CFAP299: variants seen among roughly 807,000 people sequenced by gnomAD.
The protein encoded by CFAP299 is cilia and flagella associated protein 299, also known as cilia- and flagella-associated protein 299.
In CFAP299, 21 loss-of-function variants were observed where a neutral mutation model predicts 27.0. That is an observed-to-expected ratio of 0.78 (90% CI 0.55 to 1.12). CFAP299 has a LOEUF of 1.12. Among genes scored for constraint, CFAP299 ranks in the 50% most tolerant of loss-of-function variants. The probability of loss-of-function intolerance (pLI) is 0.00; values close to 1 mark genes in which losing one functional copy is unlikely to be tolerated. For synonymous variants in CFAP299, 104 were observed against 98.1 expected, an observed-to-expected ratio of 1.06 and a Z score of -0.36; for missense variants, 310 against 276.6, an observed-to-expected ratio of 1.12 and a Z score of -0.86.
At chr4:80,649,980 A>T (rs976649380) in intron 3 of CFAP299, among the ~76,000 whole-genome samples, 24 of 151,678 alleles carry the variant, frequency 1.6e-4, no homozygotes, top group African/African-American at 4.4e-4. Context: ...ATTTTATTTT[A>T]TTTTTTTTCA....
intron 4 of CFAP299, among the ~76,000 whole-genome samples, chr4:80,933,749 T>C (rs954427267): frequency 3.3e-5 from 5 of 152,136 alleles, no homozygotes; most frequent in African/African-American, 1.2e-4. Context: ...TTAATGTATA[T>C]AAATGCAACA....
rs75564149 is a variant in CFAP299, at chr4:80,587,037, A to G, written c.333+3854A>G. Among the ~76,000 whole-genome samples the G allele has an allele frequency of 3.2e-3, 489 of 152,334 alleles. 9 individuals are homozygous for G. The highest frequency in any genetic ancestry group is 0.014 in the East Asian group (72 of 5,182). On this transcript the variant is annotated intron_variant, in intron 3 of 5. Coordinates refer to ENST00000358105, the MANE Select transcript of CFAP299 (RefSeq NM_152770.3). ...ACCCATTTCCTGTGTTGAAATCTCT[A>G]TGAAACATAAGATTGCGTTGTATAT...
In CFAP299 at chr4:80,565,668, C is replaced by A. The variant is rs569413401; in HGVS notation, c.243-17425C>A. Among the ~76,000 whole-genome samples the A allele has an allele frequency of 2.2e-4, 33 of 151,970 alleles. 1 individual carries two copies. The highest frequency in any genetic ancestry group is 7.5e-4 in the African/African-American group (31 of 41,474). On this transcript the variant is annotated intron_variant, in intron 2 of 5. Transcript: ENST00000358105. The stretch of plus-strand genomic sequence containing the variant: ...TGGTATCATACCTATTTAAAAATGA[C>A]CTTTTGCAACTGAAGTTACTTTAAA...
At chr4:80,832,688 T>C (rs187992883) in intron 3 of CFAP299, among the ~76,000 whole-genome samples, 89 of 152,276 alleles carry the variant, frequency 5.8e-4, no homozygotes, top group African/African-American at 2.1e-3. Context: ...TTTTCGGAGG[T>C]ATAGCGTTTA....
chr4:80,369,530 A>T (rs1724027045), intron 2 of CFAP299, among the ~76,000 whole-genome samples: 1 of 152,208 alleles, frequency 6.6e-6, no homozygotes, highest in Non-Finnish European at 1.5e-5. Flanking sequence ...CACATTTAAA[A>T]TTTAGGAAGA....
At chr4:80,922,312 G>A (rs1262017832) in intron 4 of CFAP299, among the ~76,000 whole-genome samples, 1 of 151,906 alleles carries the variant, frequency 6.6e-6, no homozygotes, top group Non-Finnish European at 1.5e-5. Context: ...ATATATGGTT[G>A]GGAGATAAGC....
At chr4:80,374,623 G>T (rs1724315522) in intron 2 of CFAP299, among the ~76,000 whole-genome samples, 1 of 152,110 alleles carries the variant, frequency 6.6e-6, no homozygotes, top group Admixed American at 6.5e-5. Flanking sequence ...CCTAATCAGA[G>T]CTCTGATTTT....
intron 2 of CFAP299, among the ~76,000 whole-genome samples, chr4:80,526,222 A>G (rs1445767820): frequency 6.6e-6 from 1 of 152,130 alleles, no homozygotes; most frequent in Non-Finnish European, 1.5e-5. Flanking sequence ...GGTGAGATGG[A>G]TCTCCATTTT....
chr4:80,484,264 T>C (rs527497932), intron 2 of CFAP299, among the ~76,000 whole-genome samples: 1 of 152,142 alleles, frequency 6.6e-6, no homozygotes, highest in Admixed American at 6.5e-5. Flanking sequence ...ATATAACTTT[T>C]AAAAATTATT....
At chr4:80,850,230 G>C (rs28698157) in intron 3 of CFAP299, among the ~76,000 whole-genome samples, 6,205 of 101,550 alleles carry the variant, frequency 0.061, 210 homozygotes, top group East Asian at 0.18. Context: ...TATGGCGGTG[G>C]GGGGGGTGAT....
chr4:80,591,530 A>G (rs1195245155), intron 3 of CFAP299, among the ~76,000 whole-genome samples: 1 of 152,064 alleles, frequency 6.6e-6, no homozygotes, highest in African/African-American at 2.4e-5. Flanking sequence ...TGGAATGCAA[A>G]TCCAGGACAG....
At chr4:80,901,256 C>T (rs956303489) in intron 4 of CFAP299, among the ~76,000 whole-genome samples, 9 of 152,076 alleles carry the variant, frequency 5.9e-5, no homozygotes, top group African/African-American at 1.9e-4. Flanking sequence ...GACTAGAACA[C>T]GCATGTGCAC....
chr4:80,572,507 G>GTTTTTTCTTTTT (rs1735632923), intron 2 of CFAP299, among the ~76,000 whole-genome samples: 1 of 36,380 alleles, frequency 2.7e-5, no homozygotes, highest in Non-Finnish European at 5.2e-5. Flanking sequence ...CTGGATCCCA[G>GTTTTTTCTTTTT]TTTTTTTTTT....
intron 2 of CFAP299, among the ~76,000 whole-genome samples, chr4:80,376,895 T>C (rs1724442060): frequency 6.6e-6 from 1 of 152,196 alleles, no homozygotes; most frequent in African/African-American, 2.4e-5. Flanking sequence ...CCTCAGGTGA[T>C]CCACCCACCT....
Position 80,653,608 on chromosome 4 carries a change from G to T in CFAP299, c.333+70425G>T, listed in dbSNP as rs559039111. Among the ~76,000 whole-genome samples, 3 of 152,010 alleles carry T rather than the reference G, an allele frequency of 2.0e-5. No homozygotes were observed. The South Asian group carries it at 6.2e-4, about 32-fold the overall frequency. On this transcript the variant is annotated intron_variant, in intron 3 of 5. Transcript: ENST00000358105. ...AGAAAGATGAGCAAGTAAAGTGTAT[G>T]AAAAAAACATATTAGCACTTCCATT...
At chr4:80,636,048 G>A (rs1739453415) in intron 3 of CFAP299, among the ~76,000 whole-genome samples, 1 of 152,098 alleles carries the variant, frequency 6.6e-6, no homozygotes, top group African/African-American at 2.4e-5. Context: ...GTTAATAGAA[G>A]CCTCAAATTA....
chr4:80,625,973 G>A (rs936283729), intron 3 of CFAP299, among the ~76,000 whole-genome samples: 5 of 151,896 alleles, frequency 3.3e-5, no homozygotes, highest in African/African-American at 1.2e-4. Flanking sequence ...GAAATGGGCA[G>A]ATCATTCACA....
At chr4:80,855,289 C>G (rs60445885) in intron 3 of CFAP299, among the ~76,000 whole-genome samples, 1,783 of 152,088 alleles carry the variant, frequency 0.012, 35 homozygotes, top group African/African-American at 0.04. Context: ...ATCACTGTAC[C>G]AATGATATAT....
chr4:80,669,588 T>G (rs78056945), intron 3 of CFAP299, among the ~76,000 whole-genome samples: 1 of 151,422 alleles, frequency 6.6e-6, no homozygotes, highest in African/African-American at 2.4e-5. Context: ...TTTTTTTTTT[T>G]GGTAGAGTCT....
Sources: allele counts gnomAD v4.1 joint callset (sites outside exome capture counted in the v4.1 genomes callset), GRCh38; gene constraint gnomAD v4.1.1; transcripts MANE v1.5; gene names NCBI Gene and HGNC (gene_info 2026-07-23, HGNC 2026-07-21).